AMPD3: variants seen among roughly 807,000 people sequenced by gnomAD.
AMPD3 encodes AMP deaminase 3.
AMPD3 carries 57 observed loss-of-function variants against 82.3 expected under a neutral mutation model. The ratio of observed to expected loss-of-function variants is 0.69; its 90% CI spans 0.56 to 0.86. The LOEUF is 0.86. Among genes scored for constraint, AMPD3 ranks in the 40% least tolerant of loss-of-function variants. The pLI, the probability that AMPD3 is intolerant of heterozygous loss-of-function variation, is 0.00. For synonymous variants in AMPD3, 381 were observed against 394.7 expected (o/e 0.97, Z 0.41); for missense variants, 870 against 1,003.8 (o/e 0.87, Z 1.80).
intron 8 of AMPD3, chr11:10,495,246 A>G (rs1032711164): frequency 2.4e-5 from 24 of 985,288 alleles, no homozygotes; most frequent in African/African-American, 3.5e-5. Context: ...AGGGAAGGGT[A>G]TCCACCTTGG....
Position 10,496,833 on chromosome 11 carries a change from G to T in AMPD3, c.1452G>T (p.Lys484Asn), listed in dbSNP as rs371018918. 1.2e-6 allele frequency: 2 copies of T among 1,614,184 alleles called. No homozygotes were observed. Among genetic ancestry groups the T allele is most frequent in the African/African-American group, 2.7e-5 (2 of 75,048 alleles). The change falls in exon 10 of 15, where the codon AAG becomes AAT. Residue 484 changes from lysine (K) to asparagine (N), a missense_variant. Lys to Asn is a moderately conservative substitution (Grantham distance 94, BLOSUM62 0). Transcript: ENST00000396553. ...PRIYDIFRSK[K>N]LLPNFGKMLE... Reference sequence around the variant, plus strand: ...CCAGTGACATATTTAGGTCAAAGAAGCTGCTGCCAAACTTTGGGAAGATGC... The same window carrying T: ...CCAGTGACATATTTAGGTCAAAGAATCTGCTGCCAAACTTTGGGAAGATGC...
In AMPD3 at chr11:10,488,008, CT is replaced by C. The variant is rs551512776; in HGVS notation, c.939+645del. 2.1e-3 allele frequency among the ~76,000 whole-genome samples: 310 copies of C among 150,994 alleles called. 1 individual carries two copies. Among genetic ancestry groups the C allele is most frequent in the African/African-American group, 7.1e-3 (292 of 41,122 alleles). On this transcript the variant is annotated intron_variant, in intron 6 of 14. Transcript: ENST00000396553. ...GTGAATAAAATAAAATTTAAATTCC[CT>C]GAAAAAAAAAAAAGATCTCTCTGGA... is the stretch of plus-strand genomic sequence containing the variant.
chr11:10,484,578 G>T (rs1849007727), intron 4 of AMPD3: 2 of 885,270 alleles, frequency 2.3e-6, no homozygotes, highest in Non-Finnish European at 2.7e-6. Flanking sequence ...TAAAGTCTCT[G>T]CCTGCATGGA....
At chr11:10,460,903 A>C in intron 1 of AMPD3, 3 of 985,446 alleles carry the variant, frequency 3.0e-6, no homozygotes, top group Non-Finnish European at 3.6e-6. Context: ...TCAGCTGGGT[A>C]AAGAGTGTTC....
upstream of AMPD3, among the ~76,000 whole-genome samples, chr11:10,451,515 G>A (rs577694528): frequency 7.7e-4 from 117 of 152,312 alleles, no homozygotes; most frequent in Non-Finnish European, 1.3e-3. Flanking sequence ...TACAGCCTTG[G>A]GCTCTGGCAG....
intron 2 of AMPD3, among the ~76,000 whole-genome samples, chr11:10,465,239 G>A (rs1848384972): frequency 6.6e-6 from 1 of 152,200 alleles, no homozygotes; most frequent in Non-Finnish European, 1.5e-5. Context: ...AGAATTTGAA[G>A]CACAGTAGTT....
rs1473666579 is a variant in AMPD3 at position 10,456,218 on chromosome 11, C to A, written c.-6+770C>A. 6.9e-7 allele frequency: 1 copy of A among 1,457,070 alleles called. No individual in the cohort carries two copies. The highest frequency in any genetic ancestry group is 1.4e-5 in the African/African-American group (1 of 70,512). The allele number at this position is 1,457,070 out of a possible 1,614,324, so 90.3% of individuals were successfully genotyped here. ...AGAGAATTTCCAGCCCAGGCTTTTC[C>A]TGCTCTGGCTCACTGCTGCTCACAG... On this transcript the variant is annotated intron_variant, in intron 1 of 14. Coordinates refer to ENST00000396553, the MANE Select transcript of AMPD3 (RefSeq NM_001025389.2). This position sits in a 1 kb window ranked among gnomAD's most constrained non-coding sequence, Gnocchi z 4.3.
chr11:10,492,943 G>A (rs1440384862), intron 6 of AMPD3, among the ~76,000 whole-genome samples: 1 of 152,170 alleles, frequency 6.6e-6, no homozygotes, highest in Non-Finnish European at 1.5e-5. Context: ...GGTGTGTGGT[G>A]TACCCGTAAG....
intron 6 of AMPD3, chr11:10,488,165 C>T (rs1849132517): frequency 2.0e-6 from 2 of 976,566 alleles, no homozygotes; most frequent in African/African-American, 3.5e-5. Flanking sequence ...CTGGCAGTCT[C>T]CGCCTGCAGG....
At chr11:10,505,219 A>C (rs1013270938) in intron 14 of AMPD3, 1 of 985,270 alleles carries the variant, frequency 1.0e-6, no homozygotes. Context: ...GTCCCCCGAC[A>C]CCTCCCTGGG....
At chr11:10,451,510 C>A (rs1216857436), upstream of AMPD3, among the ~76,000 whole-genome samples, 1 of 152,240 alleles carries the variant, frequency 6.6e-6, no homozygotes, top group Non-Finnish European at 1.5e-5. Flanking sequence ...AGGTGTACAG[C>A]CTTGGGCTCT....
At chr11:10,497,013 G>C (rs1849424299) in intron 10 of AMPD3, 75 bp downstream of exon 10, 2 of 1,559,974 alleles carry the variant, frequency 1.3e-6, no homozygotes, top group East Asian at 2.2e-5. Context: ...GCTGGGTCAG[G>C]CTTGCTCCTG....
chr11:10,466,421 C>T (rs1206567271), intron 2 of AMPD3, among the ~76,000 whole-genome samples: 1 of 152,112 alleles, frequency 6.6e-6, no homozygotes, highest in Non-Finnish European at 1.5e-5. Context: ...AACAAAGCCA[C>T]CAGGAAGTTC....
chr11:10,477,170 T>C (rs577684994), intron 2 of AMPD3: 10 of 950,506 alleles, frequency 1.1e-5, no homozygotes, highest in Middle Eastern at 5.4e-4. Context: ...TGAAACTTAT[T>C]TGGGGATCAA....
intron 2 of AMPD3, among the ~76,000 whole-genome samples, chr11:10,470,260 A>T (rs1176005082): frequency 1.3e-5 from 2 of 152,204 alleles, no homozygotes. Context: ...AATATAATTC[A>T]ACACCCCTTC....
At chr11:10,451,393 C>T (rs991334581), upstream of AMPD3, among the ~76,000 whole-genome samples, 2 of 152,264 alleles carry the variant, frequency 1.3e-5, no homozygotes, top group Non-Finnish European at 2.9e-5. Context: ...TGGATGTGGA[C>T]AGCTGAGGTG....
intron 7 of AMPD3, chr11:10,494,477 G>A: frequency 2.4e-6 from 2 of 826,796 alleles, no homozygotes; most frequent in Non-Finnish European, 2.9e-6. Flanking sequence ...GGTTGAAATG[G>A]TAAACGTTGT....
intron 2 of AMPD3, among the ~76,000 whole-genome samples, chr11:10,464,575 A>T (rs1175505605): frequency 1.3e-5 from 2 of 152,166 alleles, no homozygotes; most frequent in African/African-American, 2.4e-5. Context: ...AATGGAGGGA[A>T]ACTGGTCAAA....
chr11:10,496,390 A>G, intron 9 of AMPD3: 1 of 985,394 alleles, frequency 1.0e-6, no homozygotes, highest in South Asian at 4.7e-5. Context: ...TGTCACTCAG[A>G]CGGCTGCTGT....
Sources: gnomAD v4.1 joint callset for allele counts (sites outside exome capture counted in the v4.1 genomes callset) on GRCh38, gnomAD v4.1.1 for gene constraint, Gnocchi (gnomAD v3.1) non-coding constraint, MANE v1.5 for transcripts, NCBI Gene and HGNC (gene_info 2026-07-23, HGNC 2026-07-21) for gene names.